Variants in ANGPT1 observed in about 807,000 individuals in gnomAD.
The protein encoded by ANGPT1 is angiopoietin-1.
Under a neutral mutation model 62.2 loss-of-function variants are expected in ANGPT1, and 17 were observed. The observed-to-expected ratio is 0.27, with a 90% confidence interval of 0.19 to 0.41. The LOEUF (loss-of-function observed/expected upper bound fraction) is 0.41. ANGPT1 is among the 10% of genes least tolerant of loss of function. The pLI is 1.00. For synonymous variants in ANGPT1, 199 were observed against 198.9 expected (o/e 1.00, Z 0.00); for missense variants, 478 against 594.9 (o/e 0.80, Z 2.04).
chr8:107,465,861 T>A (rs1034390454), intron 1 of ANGPT1, among the ~76,000 whole-genome samples: 1 of 152,118 alleles, frequency 6.6e-6, no homozygotes, highest in Non-Finnish European at 1.5e-5. Flanking sequence ...TCCCACAGAG[T>A]AACTATCTTC....
At position 107,369,629 on chromosome 8, in the gene ANGPT1, T is replaced by A. The variant is rs149265227; in HGVS notation, c.298-22532A>T. Among the ~76,000 whole-genome samples, 428 of 152,238 alleles carry A rather than the reference T, an allele frequency of 2.8e-3. 1 individual carries two copies. The highest frequency in any genetic ancestry group is 9.7e-3 in the African/African-American group (404 of 41,558). On this transcript the variant is annotated intron_variant, in intron 1 of 8. Coordinates refer to ENST00000517746, the MANE Select transcript of ANGPT1 (RefSeq NM_001146.5). ...GCTAGAGATGTACAATTCTTCCTTT[T>A]ACTTGAACACTCAGAGGCCACTGTA...
rs549863452 is a variant in ANGPT1, at chr8:107,369,342, G to A, written c.298-22245C>T. Among the ~76,000 whole-genome samples the A allele has an allele frequency of 1.2e-3, 177 of 152,252 alleles. 1 individual carries two copies. Among genetic ancestry groups the A allele is most frequent in the Non-Finnish European group, 1.4e-3 (96 of 68,026 alleles). On this transcript the variant is annotated intron_variant, in intron 1 of 8. Coordinates refer to ENST00000517746, the MANE Select transcript of ANGPT1 (RefSeq NM_001146.5). ...GAGAGTTACGCCTTGCTCTGGACTA[G>A]GTTTTGGCTTAAGGTAATGTCGTGG...
chr8:107,460,010 A>C (rs1273347934), intron 1 of ANGPT1, among the ~76,000 whole-genome samples: 1 of 152,174 alleles, frequency 6.6e-6, no homozygotes, highest in African/African-American at 2.4e-5. Context: ...CTGCCTATGA[A>C]AACACGCTGA....
chr8:107,356,846 T>C (rs1051693247), intron 1 of ANGPT1, among the ~76,000 whole-genome samples: 3 of 152,230 alleles, frequency 2.0e-5, no homozygotes, highest in African/African-American at 4.8e-5. Flanking sequence ...AGAGTTTTAA[T>C]ATGGGATTCA....
At position 107,287,206 on chromosome 8, in the gene ANGPT1, G is replaced by A. The variant is rs1163104791; in HGVS notation, c.1039-2358C>T. 3.3e-5 allele frequency among the ~76,000 whole-genome samples: 5 copies of A among 152,092 alleles called. No individual in the cohort carries two copies. In the East Asian group the frequency reaches 5.8e-4, roughly 18 times the overall value. ...CACATATTTCCATGCTGTTGAAAGC[G>A]CTGTGTGGATAAAACTCTCCAACTT... is the stretch of plus-strand genomic sequence containing the variant. On this transcript the variant is annotated intron_variant, in intron 6 of 8. Coordinates refer to ENST00000517746, the MANE Select transcript of ANGPT1 (RefSeq NM_001146.5).
At chr8:107,465,950 C>T (rs1045336468) in intron 1 of ANGPT1, among the ~76,000 whole-genome samples, 5 of 152,116 alleles carry the variant, frequency 3.3e-5, no homozygotes. Context: ...CCAGGAAGGA[C>T]TTCTATCTGG....
rs116140700 is a variant in ANGPT1, at chr8:107,369,646, G to A, written c.298-22549C>T. Among the ~76,000 whole-genome samples the A allele has an allele frequency of 3.7e-3, 568 of 152,100 alleles. 5 individuals are homozygous for A. The highest frequency in any genetic ancestry group is 0.013 in the African/African-American group (547 of 41,492). On this transcript the variant is annotated intron_variant, in intron 1 of 8. Transcript: ENST00000517746. ...CTTCCTTTTACTTGAACACTCAGAG[G>A]CCACTGTAGGGTTATTCATTGACCT...
rs1310419211 is a variant in ANGPT1, at chr8:107,258,546, A to AT, written c.1336+5674dup. ...GGTTGTAGCCTTGCACGAGAGGACTATCGGTTCTGATTCACCTTTTTCCAA... is the reference window on the plus strand; with the variant it reads ...GGTTGTAGCCTTGCACGAGAGGACTATTCGGTTCTGATTCACCTTTTTCCAA... On this transcript the variant is annotated intron_variant, in intron 8 of 8. Coordinates refer to ENST00000517746, the MANE Select transcript of ANGPT1 (RefSeq NM_001146.5). Among the ~76,000 whole-genome samples the AT allele has an allele frequency of 7.2e-5, 11 of 152,304 alleles. No homozygotes were observed. In the South Asian group the frequency reaches 1.7e-3, roughly 23 times the overall value.
chr8:107,323,297 T>C (rs1380078951), intron 3 of ANGPT1, among the ~76,000 whole-genome samples: 1 of 152,184 alleles, frequency 6.6e-6, no homozygotes, highest in Non-Finnish European at 1.5e-5. Context: ...GTTTTCTCAG[T>C]TCTGTTTTCA....
At chr8:107,417,528 C>A (rs1296409195) in intron 1 of ANGPT1, among the ~76,000 whole-genome samples, 1 of 137,322 alleles carries the variant, frequency 7.3e-6, no homozygotes, top group Non-Finnish European at 1.7e-5. Flanking sequence ...AAAACCTCTG[C>A]AGAGCCATTT....
chr8:107,328,464 G>GA (rs1333239680), intron 3 of ANGPT1, among the ~76,000 whole-genome samples: 2 of 149,154 alleles, frequency 1.3e-5, no homozygotes, highest in South Asian at 4.2e-4. Flanking sequence ...CAGCAACTAA[G>GA]AAAAAAAAAG....
chr8:107,374,426 A>G (rs1420311471), intron 1 of ANGPT1, among the ~76,000 whole-genome samples: 1 of 152,224 alleles, frequency 6.6e-6, no homozygotes, highest in Non-Finnish European at 1.5e-5. Flanking sequence ...GTTCACATGC[A>G]CTGTATATTC....
chr8:107,423,538 T>A (rs941325336), intron 1 of ANGPT1, among the ~76,000 whole-genome samples: 3 of 152,082 alleles, frequency 2.0e-5, no homozygotes, highest in African/African-American at 7.2e-5. Context: ...TAGTTTAACA[T>A]TTCCCTTTGC....
chr8:107,408,556 A>G (rs1243769967), intron 1 of ANGPT1, among the ~76,000 whole-genome samples: 1 of 152,168 alleles, frequency 6.6e-6, no homozygotes, highest in Non-Finnish European at 1.5e-5. Context: ...ATGAACTGCT[A>G]CTGTTCAAAG....
rs1815455395 is a variant in ANGPT1 at position 107,332,868 on chromosome 8, G to A, written c.575+3282C>T. On this transcript the variant is annotated intron_variant, in intron 3 of 8. Coordinates refer to ENST00000517746, the MANE Select transcript of ANGPT1 (RefSeq NM_001146.5). ...CATGTTGTTGCTGCATTTCAGAGAT[G>A]CCTTAATGTAGAAATAGCTTCTTGT... Among the ~76,000 whole-genome samples the A allele has an allele frequency of 2.0e-5, 3 of 152,342 alleles. No homozygotes were observed. The South Asian group carries it at 6.2e-4, about 32-fold the overall frequency.
intron 6 of ANGPT1, among the ~76,000 whole-genome samples, chr8:107,285,220 CA>C (rs369586374): frequency 2.1e-3 from 312 of 152,130 alleles, no homozygotes; most frequent in African/African-American, 7.0e-3. Flanking sequence ...AAAGATTTTT[CA>C]ATGAACACTA....
intron 1 of ANGPT1, among the ~76,000 whole-genome samples, chr8:107,402,352 G>A (rs931525094): frequency 6.6e-6 from 1 of 152,138 alleles, no homozygotes; most frequent in Non-Finnish European, 1.5e-5. Context: ...AAGGCAAACC[G>A]AGTGGATCCT....
chr8:107,490,644 C>G (rs1000984125), intron 1 of ANGPT1, among the ~76,000 whole-genome samples: 1 of 152,154 alleles, frequency 6.6e-6, no homozygotes, highest in Admixed American at 6.6e-5. Flanking sequence ...ATACTAATTC[C>G]TCTTGCAATA....
chr8:107,311,729 A>G (rs1024767637), intron 4 of ANGPT1, among the ~76,000 whole-genome samples: 7 of 152,226 alleles, frequency 4.6e-5, no homozygotes, highest in East Asian at 1.9e-4. Flanking sequence ...TCATGTGTAT[A>G]ACAACGTATA....
Sources: gnomAD v4.1 joint callset for allele counts (sites outside exome capture counted in the v4.1 genomes callset) on GRCh38, gnomAD v4.1.1 for gene constraint, MANE v1.5 for transcripts, NCBI Gene and HGNC (gene_info 2026-07-23, HGNC 2026-07-21) for gene names.